The following GRID1 variants were observed in gnomAD, a reference collection of about 807,000 sequenced individuals.
The protein encoded by GRID1 is glutamate ionotropic receptor delta type subunit 1.
In GRID1, 28 loss-of-function variants were observed where a neutral mutation model predicts 98.0. The observed-to-expected ratio is 0.29, with a 90% CI of 0.21 to 0.39. The LOEUF (loss-of-function observed/expected upper bound fraction) is 0.39, where lower values mean the gene tolerates loss of function less well. GRID1 is among the 10% of genes least tolerant of loss of function. The probability of loss-of-function intolerance (pLI) is 1.00; values close to 1 mark genes in which losing one functional copy is unlikely to be tolerated. For missense variants in GRID1, 1,111 were observed against 1,340.5 expected (o/e 0.83, Z 2.67); for synonymous variants, 553 against 538.5 (o/e 1.03, Z -0.37).
chr10:86,055,643 T>C (rs2131909069), intron 4 of GRID1, among the ~76,000 whole-genome samples: 2 of 152,302 alleles, frequency 1.3e-5, no homozygotes, highest in African/African-American at 4.8e-5. Flanking sequence ...CTCAGGAGGC[T>C]GAGACAGGAG....
At chr10:85,688,257 T>C (rs561900177) in intron 12 of GRID1, among the ~76,000 whole-genome samples, 4 of 152,352 alleles carry the variant, frequency 2.6e-5, no homozygotes, top group South Asian at 4.1e-4. Context: ...TGGTGTCTAC[T>C]GCAGCAGCTT....
At chr10:86,260,755 G>C (rs956896975) in intron 2 of GRID1, among the ~76,000 whole-genome samples, 4 of 152,218 alleles carry the variant, frequency 2.6e-5, no homozygotes, top group Non-Finnish European at 5.9e-5. Context: ...GACACGGACA[G>C]TGATGGAAAG....
At chr10:85,878,219 TC>T (rs1589284697) in intron 5 of GRID1, among the ~76,000 whole-genome samples, 1 of 151,894 alleles carries the variant, frequency 6.6e-6, no homozygotes, top group Non-Finnish European at 1.5e-5. Flanking sequence ...CAGGAGAACT[TC>T]CCCAATATAG....
intron 4 of GRID1, among the ~76,000 whole-genome samples, chr10:86,047,519 G>A (rs964427719): frequency 5.6e-4 from 85 of 152,292 alleles, no homozygotes; most frequent in African/African-American, 2.0e-3. Flanking sequence ...GTACTTTTGC[G>A]GGGAGCACCG....
At chr10:85,821,073 A>T (rs573770645) in intron 8 of GRID1, among the ~76,000 whole-genome samples, 1 of 152,276 alleles carries the variant, frequency 6.6e-6, no homozygotes, top group South Asian at 2.1e-4. Context: ...TAATGAAATT[A>T]CTCAACAATA....
At position 86,365,621 on chromosome 10, in the gene GRID1, G is replaced by A. The variant is rs1181938099; in HGVS notation, c.79+693C>T. Among the ~76,000 whole-genome samples the A allele has an allele frequency of 1.3e-5, 2 of 150,744 alleles. No individual in the cohort carries two copies. Among genetic ancestry groups the A allele is most frequent in the Non-Finnish European group, 3.0e-5 (2 of 67,742 alleles). ...TCTGGGCCCCCAAGACTTGGACCAC[G>A]CAAAACTCTAGGACTGTCCAGGATG... On this transcript the variant is annotated intron_variant, in intron 1 of 15. Coordinates refer to ENST00000327946, the MANE Select transcript of GRID1 (RefSeq NM_017551.3). The surrounding 1 kb of genome is among the most constrained non-coding windows in gnomAD (Gnocchi z 4.8).
At chr10:85,879,200 T>C (rs1316125898) in intron 5 of GRID1, among the ~76,000 whole-genome samples, 1 of 152,010 alleles carries the variant, frequency 6.6e-6, no homozygotes, top group Non-Finnish European at 1.5e-5. Context: ...CTGTCAACAT[T>C]AGACAGATCA....
chr10:85,681,220 C>G (rs1304738332), intron 12 of GRID1, among the ~76,000 whole-genome samples: 1 of 152,112 alleles, frequency 6.6e-6, no homozygotes, highest in Non-Finnish European at 1.5e-5. Flanking sequence ...TGGCTCCCCC[C>G]ATGAGCCCTG....
chr10:85,651,997 A>C (rs1843277753), intron 12 of GRID1, among the ~76,000 whole-genome samples: 2 of 152,198 alleles, frequency 1.3e-5, no homozygotes, highest in Admixed American at 6.5e-5. Flanking sequence ...GACCTGGATT[A>C]CCGATTTTTG....
At chr10:85,626,568 C>T (rs567344061) in intron 13 of GRID1, among the ~76,000 whole-genome samples, 1 of 152,332 alleles carries the variant, frequency 6.6e-6, no homozygotes, top group East Asian at 1.9e-4. Context: ...CTTTGGAAAC[C>T]TGACACATTC....
intron 12 of GRID1, among the ~76,000 whole-genome samples, chr10:85,656,070 T>C (rs990939278): frequency 6.6e-6 from 1 of 152,172 alleles, no homozygotes; most frequent in Non-Finnish European, 1.5e-5. Context: ...CTATGATTAC[T>C]GCCTCCATTA....
intron 12 of GRID1, among the ~76,000 whole-genome samples, chr10:85,722,482 C>A (rs1564570221): frequency 6.6e-6 from 1 of 152,096 alleles, no homozygotes; most frequent in East Asian, 1.9e-4. Context: ...TTCTTTTATG[C>A]CATAATCTTA....
At chr10:86,110,306 T>C (rs1397140875) in intron 4 of GRID1, among the ~76,000 whole-genome samples, 1 of 152,106 alleles carries the variant, frequency 6.6e-6, no homozygotes, top group Non-Finnish European at 1.5e-5. Context: ...GGGTCACCCA[T>C]CCCAGGTCCA....
intron 5 of GRID1, among the ~76,000 whole-genome samples, chr10:85,892,390 C>T (rs1246156119): frequency 6.6e-6 from 1 of 151,602 alleles, no homozygotes; most frequent in Non-Finnish European, 1.5e-5. Flanking sequence ...GAAGAACACA[C>T]ATAATTAAGC....
chr10:86,129,403 G>A (rs1844802024), intron 4 of GRID1, among the ~76,000 whole-genome samples: 2 of 152,232 alleles, frequency 1.3e-5, no homozygotes, highest in Admixed American at 6.5e-5. Context: ...TTTGAGTCAG[G>A]GTGTTCAGCA....
chr10:85,724,321 C>G, intron 11 of GRID1, 31 bp downstream of exon 11: 1 of 1,557,570 alleles, frequency 6.4e-7, no homozygotes, highest in Non-Finnish European at 8.8e-7. Context: ...GCCCCTAGAG[C>G]TATTCAATGA....
chr10:86,168,567 G>A (rs1013697809), intron 3 of GRID1, among the ~76,000 whole-genome samples: 3 of 152,198 alleles, frequency 2.0e-5, no homozygotes, highest in Non-Finnish European at 4.4e-5. Context: ...GCCAGGTGTG[G>A]GAAGGATTCT....
At chr10:86,098,148 A>G (rs1844247770) in intron 4 of GRID1, among the ~76,000 whole-genome samples, 2 of 152,214 alleles carry the variant, frequency 1.3e-5, no homozygotes, top group Non-Finnish European at 1.5e-5. Context: ...TGTAGTTACC[A>G]TATTATGGTT....
intron 8 of GRID1, among the ~76,000 whole-genome samples, chr10:85,799,336 C>T (rs1003746652): frequency 6.6e-6 from 1 of 151,976 alleles, no homozygotes; most frequent in Admixed American, 6.6e-5. Context: ...TCTTTTGTAG[C>T]TCCATACAAA....
Sources: allele counts gnomAD v4.1 joint callset (sites outside exome capture counted in the v4.1 genomes callset), GRCh38; gene constraint gnomAD v4.1.1; non-coding constraint Gnocchi (gnomAD v3.1); transcripts MANE v1.5; gene names NCBI Gene and HGNC (gene_info 2026-07-23, HGNC 2026-07-21).